The following IQCB1 variants were observed in gnomAD, a reference collection of about 807,000 sequenced individuals.
The protein encoded by IQCB1 is IQ calmodulin-binding motif-containing protein 1.
In IQCB1, 56 loss-of-function variants were observed where a neutral mutation model predicts 84.4. That is an observed-to-expected ratio of 0.66 (90% CI 0.54 to 0.83). The LOEUF (loss-of-function observed/expected upper bound fraction) is 0.83, where lower values mean the gene tolerates loss of function less well. Among genes scored for constraint, IQCB1 ranks in the 40% least tolerant of loss-of-function variants. The pLI is 0.00. For synonymous variants in IQCB1, 210 were observed against 234.8 expected (o/e 0.89, Z 0.96); for missense variants, 629 against 682.1 (o/e 0.92, Z 0.87).
chr3:121,780,097 C>T (rs1403127778), intron 13 of IQCB1, among the ~76,000 whole-genome samples: 1 of 152,166 alleles, frequency 6.6e-6, no homozygotes, highest in African/African-American at 2.4e-5. Flanking sequence ...GGTTCTCTCT[C>T]TTTGCAGCTC....
chr3:121,828,764 C>T, intron 3 of IQCB1, 97 bp downstream of exon 3: 1 of 1,004,238 alleles, frequency 1.0e-6, no homozygotes, highest in East Asian at 2.5e-5. Context: ...AGTGTTAAGA[C>T]CTCTCTGAAC....
Position 121,826,090 on chromosome 3 carries a change from C to T in IQCB1, c.354G>A (p.Leu118=), listed in dbSNP as rs1950457068. The change falls in exon 5 of 15, where the codon TTG becomes TTA. Residue 118 remains leucine, a synonymous_variant. Transcript: ENST00000310864. ...TAAAACATGTTTGTAATTGTCTCCC[C>T]AAAACTAGAAAATTTTCTGCAGCTG... The part of the protein sequence containing the change: ...LPSAAENFLV[L]GRQLQTCFIN... 1 of 1,613,376 alleles carries T rather than the reference C, an allele frequency of 6.2e-7. No individual in the cohort carries two copies. Among genetic ancestry groups the T allele is most frequent in the Non-Finnish European group, 8.5e-7 (1 of 1,179,440 alleles).
At chr3:121,784,120 T>C (rs931011001) in intron 12 of IQCB1, among the ~76,000 whole-genome samples, 1 of 152,148 alleles carries the variant, frequency 6.6e-6, no homozygotes, top group African/African-American at 2.4e-5. Flanking sequence ...CCATCTTCTG[T>C]TTTTTCTTGT....
At chr3:121,773,255 A>C (rs1433202790) in intron 13 of IQCB1, among the ~76,000 whole-genome samples, 6 of 149,024 alleles carry the variant, frequency 4.0e-5, no homozygotes, top group African/African-American at 1.5e-4. Flanking sequence ...CAGAGTTTGC[A>C]ATGAGCCGAG....
rs1949319150 is a variant in IQCB1, at chr3:121,799,318, A to C, written c.644T>G (p.Ile215Ser). The part of the protein sequence containing the change: ...KALYSILDEV[I>S]FKLFSTPSPV... ...ACTAGGAGTTGAAAAAAGCTTGAAA[A>C]TAACTTCATCTAAAATTGAATACAG... The change falls in exon 8 of 15, where the codon ATT (isoleucine) becomes AGT (serine). Residue 215 changes from isoleucine to serine, a missense_variant. Physicochemically the swap from Ile to Ser is moderately radical, Grantham distance 142. Transcript: ENST00000310864. 3 of 1,604,784 alleles carry C rather than the reference A, an allele frequency of 1.9e-6. No homozygotes were observed. Among genetic ancestry groups the C allele is most frequent in the Middle Eastern group, 1.7e-4 (1 of 6,030 alleles).
At chr3:121,785,148 G>C (rs1047782960) in intron 12 of IQCB1, among the ~76,000 whole-genome samples, 1 of 152,138 alleles carries the variant, frequency 6.6e-6, no homozygotes, top group Non-Finnish European at 1.5e-5. Flanking sequence ...GAGAGAAACA[G>C]AAGGTGGATA....
At chr3:121,834,875 G>A (rs1708186710) in intron 1 of IQCB1, 91 bp downstream of exon 1, 2 of 275,942 alleles carry the variant, frequency 7.2e-6, no homozygotes, top group Admixed American at 9.9e-5. Context: ...CTTACAAGCC[G>A]GCTGACTTCG....
Position 121,781,822 on chromosome 3 carries a change from C to T in IQCB1, c.1331G>A (p.Trp444Ter). The part of the protein sequence containing the change: ...CRKKKKLFAP[W>*]RGLQELTDAR... ...ATCAGTGAGTTCTTGGAGTCCTCGCCAAGGAGCAAATAGTTTCTTTTTCTT... is the reference window on the plus strand; with the variant it reads ...ATCAGTGAGTTCTTGGAGTCCTCGCTAAGGAGCAAATAGTTTCTTTTTCTT... Residue 444 changes from tryptophan (W) to a stop codon, truncating the protein, a stop_gained, in exon 13 of 15, where the codon TGG becomes TAG. Transcript: ENST00000310864. LOFTEE classifies it high-confidence loss of function. The T allele has an allele frequency of 2.5e-6, 4 of 1,613,826 alleles. No homozygotes were observed. Among genetic ancestry groups the T allele is most frequent in the Non-Finnish European group, 3.4e-6 (4 of 1,179,850 alleles).
chr3:121,817,719 G>C (rs1375996357), intron 5 of IQCB1, among the ~76,000 whole-genome samples: 1 of 152,072 alleles, frequency 6.6e-6, no homozygotes, highest in Non-Finnish European at 1.5e-5. Flanking sequence ...TGGACTGTTT[G>C]TGTCCCTGAA....
chr3:121,811,777 G>C (rs1169604151), intron 5 of IQCB1, among the ~76,000 whole-genome samples: 1 of 152,160 alleles, frequency 6.6e-6, no homozygotes, highest in Non-Finnish European at 1.5e-5. Flanking sequence ...CCAGTAAGAG[G>C]CTTATACATA....
At chr3:121,783,077 A>G (rs6438663) in intron 12 of IQCB1, among the ~76,000 whole-genome samples, 97,913 of 152,048 alleles carry the variant, frequency 0.64, 31,985 homozygotes, top group African/African-American at 0.71. Context: ...AGCCTAAAAT[A>G]TTTTATTATA....
chr3:121,829,095 C>T (rs2108644705), intron 2 of IQCB1, 123 bp from the exon 3 acceptor site: 1 of 668,842 alleles, frequency 1.5e-6, no homozygotes, highest in Non-Finnish European at 2.7e-6. Flanking sequence ...GTTTGAGAGG[C>T]AGAATGTAGA....
At chr3:121,789,973 G>A in intron 11 of IQCB1, 100 bp downstream of exon 11, 2 of 1,023,956 alleles carry the variant, frequency 2.0e-6, no homozygotes, top group Admixed American at 3.6e-5. Context: ...AAGGACAAAA[G>A]TCCAAATTTA....
intron 2 of IQCB1, among the ~76,000 whole-genome samples, chr3:121,829,481 A>G (rs2108645519): frequency 6.6e-6 from 1 of 152,332 alleles, no homozygotes; most frequent in East Asian, 1.9e-4. Context: ...ATGAAAAACA[A>G]TGTGGTTCAT....
chr3:121,791,869 T>A (rs929834958), intron 10 of IQCB1, among the ~76,000 whole-genome samples: 6 of 152,094 alleles, frequency 3.9e-5, no homozygotes, highest in Admixed American at 3.9e-4. Context: ...GGTGGGTGGA[T>A]CACCTGAGGT....
intron 2 of IQCB1, among the ~76,000 whole-genome samples, chr3:121,829,222 A>G (rs575586369): frequency 6.6e-6 from 1 of 152,202 alleles, no homozygotes. Flanking sequence ...GCACTCACTA[A>G]GAGTCAGGAA....
In IQCB1 at chr3:121,809,023, AT is replaced by A; in HGVS notation, c.394-15del. The A allele has an allele frequency of 6.7e-7, 1 of 1,486,030 alleles. No individual in the cohort carries two copies. Among genetic ancestry groups the A allele is most frequent in the East Asian group, 2.3e-5 (1 of 44,140 alleles). The allele number at this position is 1,486,030 out of a possible 1,614,324, so 92.1% of individuals were successfully genotyped here. A position where few individuals can be genotyped will look rare whatever the true frequency, so the allele number is the denominator to read the frequency against. On this transcript the variant is annotated splice_polypyrimidine_tract_variant and intron_variant, in intron 5 of 14. Transcript: ENST00000310864. ...TTTTTCTTCAGCCTTAACATAAAAG[AT>A]AAGCCCAGTTTACTTTTCTATAGTT...
intron 12 of IQCB1, among the ~76,000 whole-genome samples, chr3:121,783,387 T>A (rs925003463): frequency 6.6e-6 from 1 of 152,186 alleles, no homozygotes; most frequent in Non-Finnish European, 1.5e-5. Context: ...CTACTCCCCA[T>A]CCATCCTATA....
intron 5 of IQCB1, among the ~76,000 whole-genome samples, chr3:121,814,093 A>G (rs1371481276): frequency 6.6e-6 from 1 of 152,252 alleles, no homozygotes; most frequent in Non-Finnish European, 1.5e-5. Context: ...GGTGCAATCA[A>G]ATTAGAACTC....
Sources: allele counts gnomAD v4.1 joint callset (sites outside exome capture counted in the v4.1 genomes callset), GRCh38; gene constraint gnomAD v4.1.1; transcripts MANE v1.5; gene names NCBI Gene and HGNC (gene_info 2026-07-23, HGNC 2026-07-21).